The following TMTC4 variants were observed in gnomAD, a reference collection of about 807,000 sequenced individuals.
The protein encoded by TMTC4 is protein O-mannosyl-transferase TMTC4.
In TMTC4, 65 loss-of-function variants were observed where a neutral mutation model predicts 86.0. The ratio of observed to expected loss-of-function variants is 0.76; its 90% CI spans 0.62 to 0.93. The LOEUF is 0.93. TMTC4 is among the 40% of genes least tolerant of loss of function. The pLI, the probability that TMTC4 is intolerant of heterozygous loss-of-function variation, is 0.00. For missense variants in TMTC4, 866 were observed against 948.1 expected, an observed-to-expected ratio of 0.91 and a Z score of 1.14; for synonymous variants, 379 against 382.5, an observed-to-expected ratio of 0.99 and a Z score of 0.11.
chr13:100,612,522 A>G lies in TMTC4; in HGVS notation c.1952-12T>C, dbSNP rs1877769303. ...TTGGGCTAAATTACCTGGGAGTGAA[A>G]AATGGAAAAATAAAAGACATGTTAA... On this transcript the variant is annotated splice_polypyrimidine_tract_variant and intron_variant, in intron 16 of 18. Transcript: ENST00000342624. The G allele has an allele frequency of 1.3e-6, 2 of 1,594,598 alleles. No individual in the cohort carries two copies. Among genetic ancestry groups the G allele is most frequent in the Non-Finnish European group, 1.7e-6 (2 of 1,165,028 alleles).
Position 100,636,802 on chromosome 13 carries a change from A to C in TMTC4, c.1000-68T>G, listed in dbSNP as rs572681586. ...TTAAAAAACACATATATACGCACTA[A>C]CTTCACTTTGGAGGCACTCATATGC... is the stretch of plus-strand genomic sequence containing the variant. On this transcript the variant is annotated intron_variant, in intron 9 of 18. Coordinates refer to ENST00000342624, the MANE Select transcript of TMTC4 (RefSeq NM_032813.5). 7.8e-6 allele frequency: 12 copies of C among 1,539,272 alleles called. No individual in the cohort carries two copies. In the African/African-American group the frequency reaches 1.5e-4, roughly 19 times the overall value.
Position 100,604,607 on chromosome 13 carries a change from C to A in TMTC4, c.*387G>T, listed in dbSNP as rs531307572. The A allele has an allele frequency of 3.2e-5, 5 of 155,988 alleles. 1 individual carries two copies. Among genetic ancestry groups the A allele is most frequent in the Admixed American group, 2.6e-4 (4 of 15,386 alleles). The allele number at this position is 155,988 out of a possible 1,614,324, so 9.7% of individuals were successfully genotyped here. On this transcript the variant is annotated 3_prime_UTR_variant, in exon 19 of 19. Coordinates refer to ENST00000342624, the MANE Select transcript of TMTC4 (RefSeq NM_032813.5). ...TCAATATTTATACAAATTGTAGGGG[C>A]CAGTGTATCCTTTCTTGGTCATAAT...
intron 17 of TMTC4, 106 bp from the exon 18 acceptor site, chr13:100,606,533 G>T (rs913820292): frequency 7.1e-6 from 6 of 844,552 alleles, no homozygotes; most frequent in East Asian, 2.7e-5. Context: ...TCCTCCTTTT[G>T]TATCAATGCA....
intron 12 of TMTC4, among the ~76,000 whole-genome samples, chr13:100,634,254 A>G (rs147400623): frequency 3.6e-4 from 55 of 152,246 alleles, no homozygotes; most frequent in Non-Finnish European, 6.5e-4. Context: ...ATTTATGTTT[A>G]CCTAATCTGA....
chr13:100,609,445 C>G (rs1877196709), intron 17 of TMTC4, among the ~76,000 whole-genome samples: 1 of 152,104 alleles, frequency 6.6e-6, no homozygotes, highest in South Asian at 2.1e-4. Flanking sequence ...GAAACTGACT[C>G]TATCAACATA....
rs569884399 is a variant in TMTC4, at chr13:100,652,148, A to G, written c.640+4233T>C. 2.1e-5 allele frequency among the ~76,000 whole-genome samples: 3 copies of G among 142,612 alleles called. No homozygotes were observed. In the East Asian group the frequency reaches 6.4e-4, roughly 30 times the overall value. The allele number at this position is 142,612 out of a possible 152,430, so 93.6% of individuals were successfully genotyped here. A position where few individuals can be genotyped will look rare whatever the true frequency, so the allele number is the denominator to read the frequency against. ...CCACTGCATTCCAGCCTGGGTGACA[A>G]GAGCAAAACTCCGTCTCAAACAACA... On this transcript the variant is annotated intron_variant, in intron 6 of 18. Coordinates refer to ENST00000342624, the MANE Select transcript of TMTC4 (RefSeq NM_032813.5).
At chr13:100,648,301 T>C (rs1364045609) in intron 6 of TMTC4, among the ~76,000 whole-genome samples, 1 of 151,946 alleles carries the variant, frequency 6.6e-6, no homozygotes, top group Non-Finnish European at 1.5e-5. Context: ...TAGTGTGGAA[T>C]ACAAAACCGA....
At chr13:100,637,211 A>T (rs934137316) in intron 9 of TMTC4, among the ~76,000 whole-genome samples, 1 of 152,148 alleles carries the variant, frequency 6.6e-6, no homozygotes, top group African/African-American at 2.4e-5. Flanking sequence ...GATACCACCA[A>T]GAAGGTTATA....
intron 15 of TMTC4, among the ~76,000 whole-genome samples, chr13:100,616,479 G>A (rs1024981102): frequency 2.0e-5 from 3 of 152,198 alleles, no homozygotes; most frequent in Non-Finnish European, 2.9e-5. Flanking sequence ...GGGTTTACAG[G>A]TGTGAGCCAC....
chr13:100,663,403 A>T (rs369515515), intron 4 of TMTC4, among the ~76,000 whole-genome samples: 1 of 152,220 alleles, frequency 6.6e-6, no homozygotes, highest in Non-Finnish European at 1.5e-5. Context: ...CGGATGAAAC[A>T]TATGTGTCCA....
At chr13:100,606,936 A>G (rs528583759) in intron 17 of TMTC4, among the ~76,000 whole-genome samples, 3 of 152,268 alleles carry the variant, frequency 2.0e-5, no homozygotes, top group South Asian at 2.1e-4. Flanking sequence ...TGTCAACTAC[A>G]TTGTCACAGT....
chr13:100,671,747 C>A (rs1357155512), intron 1 of TMTC4, among the ~76,000 whole-genome samples: 2 of 152,162 alleles, frequency 1.3e-5, no homozygotes, highest in East Asian at 1.9e-4. Context: ...GGGGCTCCTT[C>A]TCCTTTCTCC....
intron 1 of TMTC4, among the ~76,000 whole-genome samples, chr13:100,671,549 G>A (rs1008528689): frequency 1.6e-4 from 24 of 152,252 alleles, no homozygotes; most frequent in African/African-American, 5.3e-4. Context: ...CCTGGTAGGA[G>A]GCCAGGTCCA....
intron 3 of TMTC4, among the ~76,000 whole-genome samples, chr13:100,665,258 G>C (rs529975759): frequency 6.6e-6 from 1 of 152,220 alleles, no homozygotes; most frequent in Non-Finnish European, 1.5e-5. Context: ...AGGCACTGTG[G>C]TGGAGTAAGT....
At chr13:100,612,832 C>G (rs1190750186) in intron 16 of TMTC4, among the ~76,000 whole-genome samples, 2 of 152,190 alleles carry the variant, frequency 1.3e-5, no homozygotes, top group East Asian at 1.9e-4. Context: ...CCAAACAAAT[C>G]TGCAAAATAA....
chr13:100,626,200 A>G, intron 12 of TMTC4, 50 bp from the exon 13 acceptor site: 2 of 1,563,144 alleles, frequency 1.3e-6, no homozygotes, highest in Non-Finnish European at 1.8e-6. Context: ...TCTTGTTCAG[A>G]GCCTGGACCC....
chr13:100,634,530 T>C (rs1464973303), intron 12 of TMTC4, among the ~76,000 whole-genome samples: 2 of 151,978 alleles, frequency 1.3e-5, no homozygotes, highest in South Asian at 2.1e-4. Flanking sequence ...AAAGGGTGAG[T>C]AGATCATCTG....
At chr13:100,627,149 AC>A (rs1439718704) in intron 12 of TMTC4, among the ~76,000 whole-genome samples, 1 of 151,802 alleles carries the variant, frequency 6.6e-6, no homozygotes, top group Non-Finnish European at 1.5e-5. Context: ...TATTATTCTC[AC>A]AGGGTCTGAG....
Position 100,634,827 on chromosome 13 carries a change from G to GAC in TMTC4, c.1482_1483dup (p.Ser495CysfsTer35). 6.2e-7 allele frequency: 1 copy of GAC among 1,614,104 alleles called. No individual in the cohort carries two copies. Among genetic ancestry groups the GAC allele is most frequent in the Non-Finnish European group, 8.5e-7 (1 of 1,180,008 alleles). On this transcript the variant is annotated frameshift_variant, in exon 12 of 19. Transcript: ENST00000342624. LOFTEE classifies it high-confidence loss of function. Reference sequence around the variant, plus strand: ...TACCTTAGCATTGAGGGGACACACAGACAGAGCACTTCTGAAAAGCTGTTC... The same window carrying GAC: ...TACCTTAGCATTGAGGGGACACACAGACACAGAGCACTTCTGAAAAGCTGTTC...
Sources: gnomAD v4.1 joint callset for allele counts (sites outside exome capture counted in the v4.1 genomes callset) on GRCh38, gnomAD v4.1.1 for gene constraint, MANE v1.5 for transcripts, NCBI Gene and HGNC (gene_info 2026-07-23, HGNC 2026-07-21) for gene names.